SCLT1: variants seen among roughly 807,000 people sequenced by gnomAD.
The protein encoded by SCLT1 is sodium channel-associated protein 1.
Under a neutral mutation model 112.8 loss-of-function variants are expected in SCLT1, and 78 were observed. The ratio of observed to expected loss-of-function variants is 0.69; its 90% CI spans 0.58 to 0.83. The LOEUF is 0.83. Ranked by LOEUF, SCLT1 falls within the 40% of genes least tolerant of loss-of-function variation. The pLI is 0.00. For synonymous variants in SCLT1, 257 were observed against 254.7 expected, an observed-to-expected ratio of 1.01 and a Z score of -0.09; for missense variants, 747 against 770.4, an observed-to-expected ratio of 0.97 and a Z score of 0.36.
intron 2 of SCLT1, among the ~76,000 whole-genome samples, chr4:129,067,240 A>G (rs1041788206): frequency 2.7e-5 from 4 of 150,192 alleles, no homozygotes; most frequent in Admixed American, 6.6e-5. Flanking sequence ...TAAACATGAG[A>G]AAAAAAAAAA....
At chr4:128,887,385 T>C (rs1022327946) in intron 20 of SCLT1, among the ~76,000 whole-genome samples, 1 of 152,178 alleles carries the variant, frequency 6.6e-6, no homozygotes, top group Non-Finnish European at 1.5e-5. Flanking sequence ...TGGCATGCCA[T>C]GTTCATAACA....
At chr4:128,944,908 G>A (rs1027077272) in intron 16 of SCLT1, 1 of 152,104 alleles carries the variant, frequency 6.6e-6, no homozygotes, top group Non-Finnish European at 1.5e-5. Flanking sequence ...TTGGAAAGAA[G>A]CCTGGTAAAT....
At chr4:128,976,806 T>C (rs943869939) in intron 9 of SCLT1, among the ~76,000 whole-genome samples, 4 of 151,994 alleles carry the variant, frequency 2.6e-5, no homozygotes, top group African/African-American at 9.7e-5. Context: ...AGAGAAAGCT[T>C]TAGGAAGAAA....
downstream of SCLT1, among the ~76,000 whole-genome samples, chr4:128,879,060 C>T (rs539186724): frequency 8.3e-4 from 126 of 151,512 alleles, no homozygotes; most frequent in African/African-American, 2.8e-3. Flanking sequence ...CACACCAACA[C>T]GGCACATGTA....
At chr4:128,920,210 G>A (rs1735776964) in intron 18 of SCLT1, among the ~76,000 whole-genome samples, 2 of 152,188 alleles carry the variant, frequency 1.3e-5, no homozygotes, top group Non-Finnish European at 1.5e-5. Flanking sequence ...AATCAAGTAA[G>A]CTTTATTCCT....
intron 5 of SCLT1, among the ~76,000 whole-genome samples, chr4:129,019,764 T>C (rs577334562): frequency 3.9e-5 from 6 of 152,010 alleles, no homozygotes; most frequent in African/African-American, 7.2e-5. Flanking sequence ...TTGGTGAAAA[T>C]AGCCACACCA....
intron 18 of SCLT1, among the ~76,000 whole-genome samples, chr4:128,904,890 A>G (rs113881010): frequency 0.016 from 2,512 of 152,246 alleles, 34 homozygotes; most frequent in Non-Finnish European, 0.023. Flanking sequence ...TAAAAATACC[A>G]TGGGTTAAGG....
chr4:129,028,244 G>A (rs1746321736), intron 5 of SCLT1, among the ~76,000 whole-genome samples: 1 of 152,128 alleles, frequency 6.6e-6, no homozygotes. Flanking sequence ...AAAGAACAAA[G>A]CTGGAGGCAT....
chr4:128,964,403 A>G (rs1442997863), intron 11 of SCLT1, among the ~76,000 whole-genome samples: 1 of 152,216 alleles, frequency 6.6e-6, no homozygotes, highest in Admixed American at 6.5e-5. Flanking sequence ...CCGAAGGGCC[A>G]TTGCAAATTA....
intron 1 of SCLT1, 74 bp from the exon 2 acceptor site, chr4:129,082,447 T>C (rs1036563890): frequency 1.2e-6 from 1 of 849,748 alleles, no homozygotes; most frequent in Non-Finnish European, 1.9e-6. Flanking sequence ...ATACAGTAAT[T>C]ATTTGATGTA....
At chr4:128,952,913 G>C (rs1738885173) in intron 13 of SCLT1, 73 bp from the exon 14 acceptor site, 2 of 781,762 alleles carry the variant, frequency 2.6e-6, no homozygotes, top group Admixed American at 2.1e-5. Context: ...AAACACTCAG[G>C]ATAATAATTT....
intron 2 of SCLT1, among the ~76,000 whole-genome samples, chr4:129,075,762 A>T (rs75768140): frequency 6.6e-6 from 1 of 152,138 alleles, no homozygotes; most frequent in African/African-American, 2.4e-5. Context: ...ATCTGATTCA[A>T]CTCAAATAGT....
intron 18 of SCLT1, among the ~76,000 whole-genome samples, chr4:128,927,791 T>C (rs1736416006): frequency 6.6e-6 from 1 of 151,756 alleles, no homozygotes; most frequent in Admixed American, 6.6e-5. Flanking sequence ...AATAAAATTA[T>C]GTAATAAACA....
At chr4:129,046,714 G>C (rs912596086) in intron 2 of SCLT1, among the ~76,000 whole-genome samples, 2 of 152,070 alleles carry the variant, frequency 1.3e-5, no homozygotes, top group Admixed American at 1.3e-4. Flanking sequence ...GACTCATAAG[G>C]TCTGTATCAG....
At chr4:129,012,567 T>A (rs1744626524) in intron 5 of SCLT1, among the ~76,000 whole-genome samples, 1 of 152,240 alleles carries the variant, frequency 6.6e-6, no homozygotes, top group African/African-American at 2.4e-5. Flanking sequence ...AGGTCCTGAA[T>A]ATCTTTGTTA....
intron 11 of SCLT1, among the ~76,000 whole-genome samples, chr4:128,961,473 C>T (rs79651784): frequency 0.013 from 1,997 of 152,096 alleles, 61 homozygotes; most frequent in African/African-American, 0.046. Context: ...GGCTTTATAA[C>T]ATGTTTGGTA....
At chr4:129,071,321 T>C (rs1750983809) in intron 2 of SCLT1, among the ~76,000 whole-genome samples, 4 of 152,172 alleles carry the variant, frequency 2.6e-5, no homozygotes. Context: ...TTTAAATCCC[T>C]TGTTTCTTTG....
chr4:128,992,185 T>C lies in SCLT1; in HGVS notation c.668A>G (p.Gln223Arg). Residue 223 changes from glutamine to arginine, a missense_variant, in exon 9 of 21, where the codon CAA becomes CGA. By Grantham distance (43) the Gln-to-Arg change is conservative. This residue lies in a region of SCLT1 where 723 missense variants were observed against 721.3 expected (regional missense o/e 1.00). Coordinates refer to ENST00000281142, the MANE Select transcript of SCLT1 (RefSeq NM_144643.4). ...AAAATACCTAAGTTTTTTTCGGAGT[T>C]GTTCGATTATCACACTTTGTTCAGT... ...TVTEQSVIIEQLRKKLRQAKL... is the reference protein window; with the variant it reads ...TVTEQSVIIERLRKKLRQAKL... 1.3e-6 allele frequency: 2 copies of C among 1,595,142 alleles called. No homozygotes were observed. The highest frequency in any genetic ancestry group is 1.7e-6 in the Non-Finnish European group (2 of 1,169,142).
chr4:129,014,033 C>T (rs1249809901), intron 5 of SCLT1, among the ~76,000 whole-genome samples: 1 of 152,148 alleles, frequency 6.6e-6, no homozygotes, highest in African/African-American at 2.4e-5. Context: ...CTATTCTTGT[C>T]TGATTGTCTT....
Sources: gnomAD v4.1 joint callset for allele counts (sites outside exome capture counted in the v4.1 genomes callset) on GRCh38, gnomAD v4.1.1 for gene constraint, gnomAD v4.1.1 regional missense constraint, MANE v1.5 for transcripts, NCBI Gene and HGNC (gene_info 2026-07-23, HGNC 2026-07-21) for gene names.